The following LRRTM4 variants were observed in gnomAD, a reference collection of about 807,000 sequenced individuals.
LRRTM4 encodes the protein leucine-rich repeat transmembrane neuronal protein 4.
Under a neutral mutation model 47.6 loss-of-function variants are expected in LRRTM4, and 25 were observed. That is an observed-to-expected ratio of 0.53 (90% CI 0.38 to 0.73). The LOEUF is 0.73. Among genes scored for constraint, LRRTM4 ranks in the 30% least tolerant of loss-of-function variants. The pLI, the probability that LRRTM4 is intolerant of heterozygous loss-of-function variation, is 0.00. For missense variants in LRRTM4, 638 were observed against 713.4 expected, an observed-to-expected ratio of 0.89 and a Z score of 1.20; for synonymous variants, 311 against 269.5, an observed-to-expected ratio of 1.15 and a Z score of -1.51.
chr2:77,073,782 T>C (rs1005243429), intron 3 of LRRTM4, among the ~76,000 whole-genome samples: 19 of 152,000 alleles, frequency 1.3e-4, no homozygotes, highest in East Asian at 7.7e-4. Flanking sequence ...TATATACAAA[T>C]ATATATTTCA....
chr2:77,315,350 G>A (rs570881425), intron 3 of LRRTM4, among the ~76,000 whole-genome samples: 3 of 151,926 alleles, frequency 2.0e-5, no homozygotes, highest in East Asian at 1.9e-4. Flanking sequence ...ATATTTAAAA[G>A]GTATTGCTCA....
intron 3 of LRRTM4, among the ~76,000 whole-genome samples, chr2:76,773,719 A>G (rs1158921981): frequency 1.3e-5 from 2 of 151,882 alleles, no homozygotes; most frequent in Non-Finnish European, 2.9e-5. Context: ...ACACATTAAT[A>G]AAATATATAA....
chr2:77,203,113 A>G (rs1674024315), intron 3 of LRRTM4, among the ~76,000 whole-genome samples: 1 of 151,968 alleles, frequency 6.6e-6, no homozygotes, highest in South Asian at 2.1e-4. Flanking sequence ...ATACACACAC[A>G]TATATACATA....
At chr2:77,312,161 T>C (rs1286017055) in intron 3 of LRRTM4, among the ~76,000 whole-genome samples, 1 of 152,174 alleles carries the variant, frequency 6.6e-6, no homozygotes, top group East Asian at 1.9e-4. Flanking sequence ...TCCCTGTCAT[T>C]AATATCAATT....
chr2:77,273,628 A>C (rs924923901), intron 3 of LRRTM4, among the ~76,000 whole-genome samples: 1 of 152,122 alleles, frequency 6.6e-6, no homozygotes, highest in Non-Finnish European at 1.5e-5. Context: ...CAAATGTTTA[A>C]AGGGGTTGAA....
intron 3 of LRRTM4, among the ~76,000 whole-genome samples, chr2:76,813,710 C>T (rs997993968): frequency 1.3e-5 from 2 of 152,018 alleles, no homozygotes; most frequent in Non-Finnish European, 2.9e-5. Flanking sequence ...ATTATCTCTG[C>T]AGAGGTGGGA....
intron 3 of LRRTM4, among the ~76,000 whole-genome samples, chr2:76,866,030 G>A (rs1045899830): frequency 3.9e-5 from 6 of 152,032 alleles, no homozygotes; most frequent in Non-Finnish European, 5.9e-5. Flanking sequence ...AGTAGCCACC[G>A]TGAAAGGAGC....
chr2:76,884,184 G>A (rs1673007664), intron 3 of LRRTM4, among the ~76,000 whole-genome samples: 1 of 152,038 alleles, frequency 6.6e-6, no homozygotes, highest in African/African-American at 2.4e-5. Context: ...GACTTCTTGA[G>A]ATATTTTCTC....
chr2:76,921,600 CATTT>C (rs1285849143), intron 3 of LRRTM4, among the ~76,000 whole-genome samples: 1 of 152,036 alleles, frequency 6.6e-6, no homozygotes, highest in Non-Finnish European at 1.5e-5. Flanking sequence ...TTCTATCTCT[CATTT>C]ATTTATCCCA....
At chr2:77,282,081 T>G (rs2104101935) in intron 3 of LRRTM4, among the ~76,000 whole-genome samples, 1 of 152,028 alleles carries the variant, frequency 6.6e-6, no homozygotes, top group South Asian at 2.1e-4. Flanking sequence ...ATGTAATGCT[T>G]TTCAAATTGT....
chr2:76,766,065 T>C (rs1240882389), intron 3 of LRRTM4, among the ~76,000 whole-genome samples: 6 of 152,158 alleles, frequency 3.9e-5, no homozygotes, highest in Non-Finnish European at 8.8e-5. Context: ...TATATTAGCT[T>C]CCTCCAGATA....
chr2:77,060,890 C>A (rs1010123546), intron 3 of LRRTM4, among the ~76,000 whole-genome samples: 1 of 152,018 alleles, frequency 6.6e-6, no homozygotes, highest in Non-Finnish European at 1.5e-5. Flanking sequence ...TATGACTCAA[C>A]CACAATTTAT....
intron 3 of LRRTM4, among the ~76,000 whole-genome samples, chr2:77,125,734 C>G (rs1671636980): frequency 6.6e-6 from 1 of 151,872 alleles, no homozygotes; most frequent in Non-Finnish European, 1.5e-5. Context: ...AACCTCACCA[C>G]TAGAAAATTT....
intron 3 of LRRTM4, among the ~76,000 whole-genome samples, chr2:77,284,725 A>G (rs1330433636): frequency 1.3e-5 from 2 of 152,072 alleles, no homozygotes; most frequent in African/African-American, 4.8e-5. Context: ...TTTCACCTCA[A>G]TATGGTGCTT....
At chr2:77,233,901 G>C (rs1281982905) in intron 3 of LRRTM4, among the ~76,000 whole-genome samples, 1 of 152,038 alleles carries the variant, frequency 6.6e-6, no homozygotes. Flanking sequence ...ATGTTCAAGC[G>C]AGTCTCCCAC....
intron 3 of LRRTM4, among the ~76,000 whole-genome samples, chr2:77,442,066 C>A (rs542018646): frequency 6.6e-6 from 1 of 152,112 alleles, no homozygotes; most frequent in Non-Finnish European, 1.5e-5. Flanking sequence ...TTAGTACCAA[C>A]GCTTTTGTTG....
At chr2:77,430,120 A>G (rs1034072359) in intron 3 of LRRTM4, among the ~76,000 whole-genome samples, 1 of 152,118 alleles carries the variant, frequency 6.6e-6, no homozygotes, top group African/African-American at 2.4e-5. Context: ...ATAATAATAT[A>G]TTGTATTCTT....
intron 3 of LRRTM4, among the ~76,000 whole-genome samples, chr2:77,498,451 T>G (rs1399220259): frequency 1.3e-5 from 2 of 151,856 alleles, no homozygotes; most frequent in African/African-American, 2.4e-5. Context: ...CCCTTGAATC[T>G]TTCTTTGCAG....
At chr2:77,314,128 A>G (rs563492871) in intron 3 of LRRTM4, among the ~76,000 whole-genome samples, 1 of 152,322 alleles carries the variant, frequency 6.6e-6, no homozygotes, top group Middle Eastern at 3.4e-3. Context: ...TTTTAGATCA[A>G]GCTTGTTTAT....
Sources: gnomAD v4.1 joint callset for allele counts (sites outside exome capture counted in the v4.1 genomes callset) on GRCh38, gnomAD v4.1.1 for gene constraint, MANE v1.5 for transcripts, NCBI Gene and HGNC (gene_info 2026-07-23, HGNC 2026-07-21) for gene names.